Variants in PCDHGB2 observed in about 807,000 individuals in gnomAD.
The protein encoded by PCDHGB2 is protocadherin gamma-B2.
A neutral mutation model predicts 59.3 loss-of-function variants in PCDHGB2; 55 were observed. That is an observed-to-expected ratio of 0.93 (90% confidence interval 0.75 to 1.16). The LOEUF (loss-of-function observed/expected upper bound fraction) is 1.16, where lower values mean the gene tolerates loss of function less well. PCDHGB2 is among the 50% of genes most tolerant of loss of function. The probability of loss-of-function intolerance (pLI) is 0.00; values close to 1 mark genes in which losing one functional copy is unlikely to be tolerated. For missense variants in PCDHGB2, 1,228 were observed against 1,198.5 expected, an observed-to-expected ratio of 1.02 and a Z score of -0.36; for synonymous variants, 516 against 512.0, an observed-to-expected ratio of 1.01 and a Z score of -0.11.
At chr5:141,454,796 ATTTTTTTTTTTTTTTT>A (rs61612330) in intron 1 of PCDHGB2, among the ~76,000 whole-genome samples, 1 of 77,408 alleles carries the variant, frequency 1.3e-5, no homozygotes, top group East Asian at 4.0e-4. Flanking sequence ...CATGGTTCTA[ATTTTTTTTTTTTTTTT>A]TTTTTTTTTT....
chr5:141,486,707 C>A lies in PCDHGB2; in HGVS notation c.2422-8100C>A, dbSNP rs1314530265. On this transcript the variant is annotated intron_variant, in intron 1 of 3. Coordinates refer to ENST00000522605, the MANE Select transcript of PCDHGB2 (RefSeq NM_018923.3). The surrounding 1 kb of genome is among the most constrained non-coding windows in gnomAD (Gnocchi z 5.0). ...AGCTTCCTCTTTCATCTCTCTGAAC[C>A]CCCAGACAGGAGCTGTTCATGCTAC... 2 of 1,614,040 alleles carry A rather than the reference C, an allele frequency of 1.2e-6. No individual in the cohort carries two copies. The highest frequency in any genetic ancestry group is 1.7e-6 in the Non-Finnish European group (2 of 1,180,038).
chr5:141,366,679 G>C (rs1414514905), intron 1 of PCDHGB2: 2 of 1,614,156 alleles, frequency 1.2e-6, no homozygotes, highest in Non-Finnish European at 1.7e-6. Flanking sequence ...TTAGTGAAGA[G>C]AGCTGTGAGA....
intron 1 of PCDHGB2, among the ~76,000 whole-genome samples, chr5:141,444,175 TTTTTTTTTTTTTTG>T (rs2098423325): frequency 7.6e-6 from 1 of 131,192 alleles, no homozygotes; most frequent in African/African-American, 3.0e-5. Flanking sequence ...TTTTTTTTTT[TTTTTTTTTTTTTTG>T]AGATGGAGTT....
chr5:141,427,222 A>G (rs536161247), intron 1 of PCDHGB2: 1 of 456,774 alleles, frequency 2.2e-6, no homozygotes, highest in South Asian at 1.5e-5. Flanking sequence ...CGTAGCAGTT[A>G]TACCATGAGA....
intron 1 of PCDHGB2, among the ~76,000 whole-genome samples, chr5:141,430,064 A>T (rs1482609618): frequency 6.6e-6 from 1 of 152,190 alleles, no homozygotes; most frequent in Non-Finnish European, 1.5e-5. Flanking sequence ...TATCATTTTT[A>T]GGTTTCCATA....
At chr5:141,372,748 C>G (rs771861396) in intron 1 of PCDHGB2, 13 of 1,613,014 alleles carry the variant, frequency 8.1e-6, no homozygotes, top group East Asian at 2.2e-5. Flanking sequence ...TGTGATGAAG[C>G]CTCTTGGTTT....
chr5:141,375,212 G>T (rs757227553), intron 1 of PCDHGB2: 1 of 1,613,944 alleles, frequency 6.2e-7, no homozygotes, highest in Admixed American at 1.7e-5. Flanking sequence ...TCGAGACTCT[G>T]GCCTGAATGG....
intron 1 of PCDHGB2, chr5:141,374,057 C>T (rs768326017): frequency 6.7e-7 from 1 of 1,486,570 alleles, no homozygotes; most frequent in Admixed American, 2.5e-5. Flanking sequence ...TCTTCTTAAT[C>T]CCAGAGAAGT....
intron 1 of PCDHGB2, chr5:141,366,610 C>T (rs1157276449): frequency 1.9e-6 from 3 of 1,614,232 alleles, no homozygotes; most frequent in Non-Finnish European, 2.5e-6. Context: ...TCTCCCTCAC[C>T]GCGGACTCGA....
Position 141,432,587 on chromosome 5 carries a change from A to C in PCDHGB2, c.2422-62220A>C. ...CGCCTGGCTGTCCTACCGTCTGCTC[A>C]AGGCCAGCGAGCCGGGACTCTTCTC... On this transcript the variant is annotated intron_variant, in intron 1 of 3. Transcript: ENST00000522605. This position sits in a 1 kb window ranked among gnomAD's most constrained non-coding sequence, Gnocchi z 6.0. 1.9e-6 allele frequency: 3 copies of C among 1,613,250 alleles called. No individual in the cohort carries two copies. Among genetic ancestry groups the C allele is most frequent in the Non-Finnish European group, 2.5e-6 (3 of 1,179,918 alleles).
At chr5:141,465,831 T>A (rs997004387) in intron 1 of PCDHGB2, among the ~76,000 whole-genome samples, 1 of 151,980 alleles carries the variant, frequency 6.6e-6, no homozygotes, top group African/African-American at 2.4e-5. Context: ...TTGTTTAAAA[T>A]TTCAACTGAG....
intron 1 of PCDHGB2, chr5:141,400,460 G>GTGAT (rs760132234): frequency 6.2e-7 from 1 of 1,613,938 alleles, no homozygotes. Context: ...ATACTTTGTG[G>GTGAT]TGATTCATCT....
chr5:141,404,000 A>T (rs758512396), intron 1 of PCDHGB2: 2 of 1,613,956 alleles, frequency 1.2e-6, no homozygotes, highest in South Asian at 1.1e-5. Context: ...AGTGACCATT[A>T]CATCTCTGTT....
At chr5:141,398,502 C>A in intron 1 of PCDHGB2, 1 of 1,596,962 alleles carries the variant, frequency 6.3e-7, no homozygotes, top group Admixed American at 1.7e-5. Flanking sequence ...AGATCGAGGA[C>A]ATTAATGACC....
In PCDHGB2 at chr5:141,493,211, G is replaced by C. The variant is rs1312763933; in HGVS notation, c.2422-1596G>C. Reference sequence around the variant, plus strand: ...CTCCTTTGAGAACCTCATCTCATTTGCTCTTCCCACCATTGCTGTTGGCTA... The same window carrying C: ...CTCCTTTGAGAACCTCATCTCATTTCCTCTTCCCACCATTGCTGTTGGCTA... On this transcript the variant is annotated intron_variant, in intron 1 of 3. Transcript: ENST00000522605. The surrounding 1 kb of genome is among the most constrained non-coding windows in gnomAD (Gnocchi z 4.3). 6.6e-6 allele frequency among the ~76,000 whole-genome samples: 1 copy of C among 152,180 alleles called. No individual in the cohort carries two copies. The highest frequency in any genetic ancestry group is 2.4e-5 in the African/African-American group (1 of 41,436).
At chr5:141,381,572 T>A (rs566489339) in intron 1 of PCDHGB2, among the ~76,000 whole-genome samples, 1 of 152,338 alleles carries the variant, frequency 6.6e-6, no homozygotes, top group African/African-American at 2.4e-5. Flanking sequence ...ATGAAAAGAA[T>A]CAGCCAATCC....
Position 141,491,648 on chromosome 5 carries a change from T to A in PCDHGB2, c.2422-3159T>A. 6.2e-7 allele frequency: 1 copy of A among 1,613,834 alleles called. No individual in the cohort carries two copies. Among genetic ancestry groups the A allele is most frequent in the Non-Finnish European group, 8.5e-7 (1 of 1,180,002 alleles). ...GTTCAGCAGCCCACAGCTCTGGCGC[T>A]GGAGCCTGACGCCATCCGGTCCCGC... On this transcript the variant is annotated intron_variant, in intron 1 of 3. Transcript: ENST00000522605. This position sits in a 1 kb window ranked among gnomAD's most constrained non-coding sequence, Gnocchi z 6.9.
chr5:141,492,064 C>T (rs1562152072), intron 1 of PCDHGB2: 3 of 484,366 alleles, frequency 6.2e-6, no homozygotes, highest in Non-Finnish European at 1.1e-5. Context: ...AGCCAGCCTC[C>T]TAGGCGCCGG....
Position 141,477,689 on chromosome 5 carries a change from C to T in PCDHGB2, c.2422-17118C>T. The T allele has an allele frequency of 6.2e-7, 1 of 1,614,156 alleles. No individual in the cohort carries two copies. The highest frequency in any genetic ancestry group is 8.5e-7 in the Non-Finnish European group (1 of 1,180,024). ...TGGCATAGTGTCATCCTTAGTGCCC[C>T]TAGACTATGAGGATCGGCGGGAATT... On this transcript the variant is annotated intron_variant, in intron 1 of 3. Transcript: ENST00000522605. This position sits in a 1 kb window ranked among gnomAD's most constrained non-coding sequence, Gnocchi z 4.9.
Sources: gnomAD v4.1 joint callset for allele counts (sites outside exome capture counted in the v4.1 genomes callset) on GRCh38, gnomAD v4.1.1 for gene constraint, Gnocchi (gnomAD v3.1) non-coding constraint, MANE v1.5 for transcripts, NCBI Gene and HGNC (gene_info 2026-07-23, HGNC 2026-07-21) for gene names.